Variants in CNTNAP4 observed in about 807,000 individuals in gnomAD.
CNTNAP4 encodes contactin-associated protein-like 4.
In CNTNAP4, 98 loss-of-function variants were observed where a neutral mutation model predicts 148.4. The ratio of observed to expected loss-of-function variants is 0.66; its 90% CI spans 0.56 to 0.78. The LOEUF is 0.78. Ranked by LOEUF, CNTNAP4 falls within the 30% of genes least tolerant of loss-of-function variation. The pLI, the probability that CNTNAP4 is intolerant of heterozygous loss-of-function variation, is 0.00. For missense variants in CNTNAP4, 1,935 were observed against 1,565.6 expected, an observed-to-expected ratio of 1.24 and a Z score of -3.98; for synonymous variants, 730 against 565.1, an observed-to-expected ratio of 1.29 and a Z score of -4.14.
chr16:76,506,900 G>A (rs1485124367), intron 15 of CNTNAP4, among the ~76,000 whole-genome samples: 1 of 96,744 alleles, frequency 1.0e-5, no homozygotes, highest in Non-Finnish European at 2.9e-5. Flanking sequence ...ACCATTCTGT[G>A]AGGAGGCTAG....
intron 3 of CNTNAP4, among the ~76,000 whole-genome samples, chr16:76,387,887 T>C (rs536631879): frequency 7.9e-5 from 12 of 152,344 alleles, no homozygotes; most frequent in South Asian, 4.1e-4. Flanking sequence ...GCCATTGTTA[T>C]TATAATGCAA....
chr16:76,492,019 A>C lies in CNTNAP4; in HGVS notation c.2080+2136A>C, dbSNP rs2082241847. Among the ~76,000 whole-genome samples the C allele has an allele frequency of 2.0e-5, 3 of 152,320 alleles. No homozygotes were observed. In the South Asian group the frequency reaches 6.2e-4, roughly 32 times the overall value. On this transcript the variant is annotated intron_variant, in intron 13 of 23. Coordinates refer to ENST00000611870, the MANE Select transcript of CNTNAP4 (RefSeq NM_033401.5). Reference sequence around the variant, plus strand: ...CTGAGTGAAATAAGTCAGAAACAGAAAGACAAATACTTCATGATCCCACTT... The same window carrying C: ...CTGAGTGAAATAAGTCAGAAACAGACAGACAAATACTTCATGATCCCACTT...
At chr16:76,369,471 C>G (rs186545484) in intron 3 of CNTNAP4, among the ~76,000 whole-genome samples, 2 of 152,168 alleles carry the variant, frequency 1.3e-5, no homozygotes, top group South Asian at 2.1e-4. Context: ...AGCTGGTGGT[C>G]TAATTTAGTC....
chr16:76,523,906 G>T (rs1254769301), intron 17 of CNTNAP4, among the ~76,000 whole-genome samples: 1 of 152,114 alleles, frequency 6.6e-6, no homozygotes, highest in South Asian at 2.1e-4. Flanking sequence ...CTCCATCCTG[G>T]GTGACAGAGG....
intron 3 of CNTNAP4, among the ~76,000 whole-genome samples, chr16:76,369,331 T>G (rs1273492089): frequency 6.6e-6 from 1 of 152,184 alleles, no homozygotes; most frequent in Non-Finnish European, 1.5e-5. Flanking sequence ...TTACTGCTGT[T>G]TAATACAAGA....
chr16:76,452,993 G>A (rs1367642721), intron 8 of CNTNAP4, among the ~76,000 whole-genome samples: 1 of 152,122 alleles, frequency 6.6e-6, no homozygotes, highest in Non-Finnish European at 1.5e-5. Flanking sequence ...TAGTTTTGGG[G>A]AACTGAAGTT....
intron 3 of CNTNAP4, among the ~76,000 whole-genome samples, chr16:76,401,779 T>C (rs1301880067): frequency 6.6e-6 from 1 of 152,216 alleles, no homozygotes; most frequent in Admixed American, 6.5e-5. Context: ...TAAAAGCCTT[T>C]TCCACATCTA....
chr16:76,494,318 G>A (rs1021917524), intron 13 of CNTNAP4, among the ~76,000 whole-genome samples: 1 of 152,070 alleles, frequency 6.6e-6, no homozygotes, highest in Admixed American at 6.6e-5. Flanking sequence ...TGTTATTTCT[G>A]TAGTCTTCAA....
intron 2 of CNTNAP4, 91 bp from the exon 3 acceptor site, chr16:76,355,227 G>C: frequency 1.2e-6 from 1 of 866,396 alleles, no homozygotes; most frequent in Non-Finnish European, 1.7e-6. Context: ...TTCCATAGAG[G>C]AATACAGTCG....
At chr16:76,391,348 C>G (rs1330147353) in intron 3 of CNTNAP4, among the ~76,000 whole-genome samples, 1 of 152,164 alleles carries the variant, frequency 6.6e-6, no homozygotes, top group African/African-American at 2.4e-5. Context: ...GTCAACCCAC[C>G]TCCAATGTTC....
intron 4 of CNTNAP4, among the ~76,000 whole-genome samples, chr16:76,428,837 G>A (rs1201872404): frequency 6.6e-6 from 1 of 152,040 alleles, no homozygotes; most frequent in Admixed American, 6.6e-5. Flanking sequence ...CTTATTATAT[G>A]CACTATTCCA....
chr16:76,371,546 A>G (rs2014825152), intron 3 of CNTNAP4, among the ~76,000 whole-genome samples: 1 of 152,104 alleles, frequency 6.6e-6, no homozygotes, highest in Admixed American at 6.5e-5. Context: ...CAGCCTCCCA[A>G]AATGCTGGGA....
At position 76,539,776 on chromosome 16, in the gene CNTNAP4, T is replaced by A; in HGVS notation, c.3278T>A (p.Phe1093Tyr). The A allele has an allele frequency of 6.2e-7, 1 of 1,603,844 alleles. No homozygotes were observed. Among genetic ancestry groups the A allele is most frequent in the Non-Finnish European group, 8.5e-7 (1 of 1,175,012 alleles). ...NKYQEPDVVNFDFKNMADGQL... is the reference protein window; with the variant it reads ...NKYQEPDVVNYDFKNMADGQL... The stretch of plus-strand genomic sequence containing the variant: ...TATCAAGAGCCTGATGTTGTTAACT[T>A]TGATTTTAAAAACATGGCTGATGGA... Residue 1093 changes from phenylalanine (F) to tyrosine (Y), a missense_variant, in exon 20 of 24, where the codon TTT becomes TAT. Phe to Tyr is a conservative substitution (Grantham distance 22). Coordinates refer to ENST00000611870, the MANE Select transcript of CNTNAP4 (RefSeq NM_033401.5).
intron 3 of CNTNAP4, among the ~76,000 whole-genome samples, chr16:76,415,848 T>C (rs1183157874): frequency 6.6e-6 from 1 of 151,392 alleles, no homozygotes; most frequent in African/African-American, 2.4e-5. Context: ...CAAAATATTT[T>C]TTTAATTGTT....
At chr16:76,512,340 A>G (rs941736789) in intron 15 of CNTNAP4, among the ~76,000 whole-genome samples, 1 of 152,194 alleles carries the variant, frequency 6.6e-6, no homozygotes, top group African/African-American at 2.4e-5. Context: ...TTAGGGGACC[A>G]TATCACCAAC....
At chr16:76,296,496 G>C (rs1959314798) in intron 1 of CNTNAP4, among the ~76,000 whole-genome samples, 1 of 152,150 alleles carries the variant, frequency 6.6e-6, no homozygotes, top group African/African-American at 2.4e-5. Context: ...GGAAAAGCAA[G>C]TTTAAAATTT....
chr16:76,367,201 T>C (rs977466160), intron 3 of CNTNAP4, among the ~76,000 whole-genome samples: 4 of 151,970 alleles, frequency 2.6e-5, no homozygotes, highest in African/African-American at 9.7e-5. Context: ...TAAGGAAATA[T>C]GTATTAGTCA....
In CNTNAP4 at chr16:76,355,802, A is replaced by G. The variant is rs555933671; in HGVS notation, c.390+291A>G. Among the ~76,000 whole-genome samples the G allele has an allele frequency of 2.0e-5, 3 of 151,612 alleles. No individual in the cohort carries two copies. In the East Asian group the frequency reaches 5.8e-4, roughly 30 times the overall value. ...AAGAAATAAATAAGACTTGTATAAA[A>G]AAAGTTTTGTTCAAAAACATAATAG... is the stretch of plus-strand genomic sequence containing the variant. On this transcript the variant is annotated intron_variant, in intron 3 of 23. Coordinates refer to ENST00000611870, the MANE Select transcript of CNTNAP4 (RefSeq NM_033401.5).
intron 1 of CNTNAP4, among the ~76,000 whole-genome samples, chr16:76,311,628 C>G (rs962239392): frequency 6.6e-6 from 1 of 152,006 alleles, no homozygotes; most frequent in Non-Finnish European, 1.5e-5. Flanking sequence ...TGAGAAAAGT[C>G]AAATAAAATG....
Sources: allele counts gnomAD v4.1 joint callset (sites outside exome capture counted in the v4.1 genomes callset), GRCh38; gene constraint gnomAD v4.1.1; transcripts MANE v1.5; gene names NCBI Gene and HGNC (gene_info 2026-07-23, HGNC 2026-07-21).